Variants in HK3 observed in about 807,000 individuals in gnomAD.
HK3 encodes hexokinase 3, also known as hexokinase-3.
A neutral mutation model predicts 91.0 loss-of-function variants in HK3; 93 were observed. The observed-to-expected ratio is 1.02, with a 90% CI of 0.86 to 1.21. HK3 has a LOEUF of 1.21. HK3 is among the 50% of genes most tolerant of loss of function. The probability of loss-of-function intolerance (pLI) is 0.00; values close to 1 mark genes in which losing one functional copy is unlikely to be tolerated. For missense variants in HK3, 1,235 were observed against 1,247.4 expected (o/e 0.99, Z 0.15); for synonymous variants, 519 against 516.9 (o/e 1.00, Z -0.06).
chr5:176,895,878 G>A (rs1758898854), intron 2 of HK3, among the ~76,000 whole-genome samples, 186 bp downstream of exon 2: 4 of 152,216 alleles, frequency 2.6e-5, no homozygotes, highest in African/African-American at 9.7e-5. Context: ...TTCATCACCT[G>A]TAAGATGATC....
chr5:176,881,974 T>C lies in HK3; in HGVS notation c.2207A>G (p.Asp736Gly). The part of the protein sequence containing the change: ...MLSTRFDASV[D>G]QASINPGKQR... Reference sequence around the variant, plus strand: ...CTTGCCGGGGTTGATGGACGCCTGGTCCACACTTGCATCAAAGCGGGTGCT... The same window carrying C: ...CTTGCCGGGGTTGATGGACGCCTGGCCCACACTTGCATCAAAGCGGGTGCT... The change falls in exon 16 of 19, where the codon GAC becomes GGC. Residue 736 changes from aspartate (D) to glycine (G), a missense_variant. By Grantham distance (94) the Asp-to-Gly change is moderately conservative. This residue lies in a region of HK3 where 513 missense variants were observed against 477.4 expected (regional missense o/e 1.07). Transcript: ENST00000292432. 6.2e-7 allele frequency: 1 copy of C among 1,613,560 alleles called. No homozygotes were observed.
intron 1 of HK3, among the ~76,000 whole-genome samples, chr5:176,898,715 G>A (rs1313221767): frequency 6.6e-6 from 1 of 152,222 alleles, no homozygotes; most frequent in Admixed American, 6.5e-5. Context: ...AGTATCCCCA[G>A]AGCCCAGGGT....
At chr5:176,885,277 G>T (rs1387210690) in intron 13 of HK3, among the ~76,000 whole-genome samples, 1 of 152,214 alleles carries the variant, frequency 6.6e-6, no homozygotes, top group Non-Finnish European at 1.5e-5. Context: ...AGAGGCAAGT[G>T]CCCAAAGAGC....
intron 15 of HK3, 29 bp downstream of exon 15, chr5:176,883,741 G>C: frequency 3.8e-6 from 6 of 1,559,278 alleles, no homozygotes; most frequent in Non-Finnish European, 5.3e-6. Flanking sequence ...CCAAGCAGTA[G>C]GGGCATGAAA....
At position 176,887,442 on chromosome 5, in the gene HK3, G is replaced by C. The variant is rs556509337; in HGVS notation, c.1600+9C>G. On this transcript the variant is annotated intron_variant, in intron 11 of 18. Coordinates refer to ENST00000292432, the MANE Select transcript of HK3 (RefSeq NM_002115.3). This position sits in a 1 kb window ranked among gnomAD's most constrained non-coding sequence, Gnocchi z 4.9. ...ATGTTTCGGTCCCACACTCAGGCCA[G>C]GTCCTTACCGCTGCCGTCAGGGGTG... 395 of 1,612,328 alleles carry C rather than the reference G, an allele frequency of 2.4e-4. 5 individuals are homozygous for C. The South Asian group carries it at 4.1e-3, about 17-fold the overall frequency.
At position 176,888,855 on chromosome 5, in the gene HK3, C is replaced by T; in HGVS notation, c.924G>A (p.Lys308=). The part of the protein sequence containing the change: ...SLNPGAQRFE[K]MIGGLYLGEL... ...CACCCAGGTACAGGCCTCCGATCAT[C>T]TTCTCAAACCTGCAGGGGGGAAGGG... is the stretch of plus-strand genomic sequence containing the variant. Residue 308 remains lysine, a synonymous_variant, in exon 9 of 19, where the codon AAG becomes AAA. Transcript: ENST00000292432. The T allele has an allele frequency of 6.2e-7, 1 of 1,613,666 alleles. No homozygotes were observed. The highest frequency in any genetic ancestry group is 8.5e-7 in the Non-Finnish European group (1 of 1,179,738).
At position 176,881,370 on chromosome 5, in the gene HK3, C is replaced by A. The variant is rs1440071512; in HGVS notation, c.2559G>T (p.Glu853Asp). ...GVAAVVEKIRENRGLEELAVS... is the reference protein window; with the variant it reads ...GVAAVVEKIRDNRGLEELAVS... ...CTGCCAGCTCTTCCAGGCCCCGGTTCTCCCGGATCTTCTCCACCACGGCAG... is the reference window on the plus strand; with the variant it reads ...CTGCCAGCTCTTCCAGGCCCCGGTTATCCCGGATCTTCTCCACCACGGCAG... The change falls in exon 18 of 19, where the codon GAG (glutamate) becomes GAT (aspartate). Residue 853 changes from glutamate (E) to aspartate (D), a missense_variant. By Grantham distance (45) the Glu-to-Asp change is conservative. Around this residue, in one of 3 missense-constraint regions of HK3, gnomAD observed 513 missense variants for 477.4 expected, o/e 1.07. Coordinates refer to ENST00000292432, the MANE Select transcript of HK3 (RefSeq NM_002115.3). The A allele has an allele frequency of 6.2e-7, 1 of 1,614,018 alleles. No individual in the cohort carries two copies. The highest frequency in any genetic ancestry group is 8.5e-7 in the Non-Finnish European group (1 of 1,180,028).
chr5:176,896,327 T>C (rs905897094), intron 1 of HK3, 142 bp from the exon 2 acceptor site: 9 of 484,268 alleles, frequency 1.9e-5, no homozygotes, highest in African/African-American at 1.6e-4. Context: ...CCATCAAAGA[T>C]CCTGTAGCAG....
chr5:176,887,379 G>A lies in HK3; in HGVS notation c.1601-42C>T. Reference sequence around the variant, plus strand: ...CCTCAGTGCCGGGATAGGGCTTGTGGCTCCAGCCCCAGCACACACTGGGAC... The same window carrying A: ...CCTCAGTGCCGGGATAGGGCTTGTGACTCCAGCCCCAGCACACACTGGGAC... On this transcript the variant is annotated intron_variant, in intron 11 of 18. Transcript: ENST00000292432. This position sits in a 1 kb window ranked among gnomAD's most constrained non-coding sequence, Gnocchi z 4.9. The A allele has an allele frequency of 6.2e-7, 1 of 1,613,452 alleles. No individual in the cohort carries two copies.
Position 176,886,985 on chromosome 5 carries a change from T to G in HK3, c.1857+17A>C. 3 of 1,613,626 alleles carry G rather than the reference T, an allele frequency of 1.9e-6. No homozygotes were observed. Among genetic ancestry groups the G allele is most frequent in the African/African-American group, 1.3e-5 (1 of 75,006 alleles). On this transcript the variant is annotated intron_variant, in intron 13 of 18. Coordinates refer to ENST00000292432, the MANE Select transcript of HK3 (RefSeq NM_002115.3). The stretch of plus-strand genomic sequence containing the variant: ...GCAGGAGGCCCTTGGGAATCACTTC[T>G]CTTGGCCCTCCCTCACCTGGTCTAG...
chr5:176,881,660 G>T, intron 17 of HK3, 32 bp downstream of exon 17: 3 of 1,611,456 alleles, frequency 1.9e-6, no homozygotes, highest in Non-Finnish European at 2.5e-6. Flanking sequence ...AAGACCCCCT[G>T]AAGTGGGGGA....
At chr5:176,893,889 A>G (rs1758841542) in intron 2 of HK3, among the ~76,000 whole-genome samples, 1 of 152,196 alleles carries the variant, frequency 6.6e-6, no homozygotes. Flanking sequence ...CAGACAGAAG[A>G]GCAAGGAGAA....
chr5:176,883,884 ATGCTGCTAGT>A lies in HK3; in HGVS notation c.1954-25_1954-16del, dbSNP rs1758509984. On this transcript the variant is annotated splice_polypyrimidine_tract_variant and intron_variant, in intron 14 of 18. Transcript: ENST00000292432. ...AGCTCCACTGCCTGCACACAAAAGGATGCTGCTAGTTGCTGGGCAACGCGGTCGTCACAGC... is the reference window on the plus strand; with the variant it reads ...AGCTCCACTGCCTGCACACAAAAGGATGCTGGGCAACGCGGTCGTCACAGC... 3.1e-6 allele frequency: 5 copies of A among 1,613,386 alleles called. No individual in the cohort carries two copies. The highest frequency in any genetic ancestry group is 1.7e-5 in the Admixed American group (1 of 60,022).
chr5:176,883,895 T>C (rs772882998), intron 14 of HK3, 26 bp from the exon 15 acceptor site: 20 of 1,611,680 alleles, frequency 1.2e-5, no homozygotes, highest in Non-Finnish European at 1.7e-5. Context: ...TGCTGCTAGT[T>C]GCTGGGCAAC....
intron 1 of HK3, 47 bp from the exon 2 acceptor site, chr5:176,896,232 C>T (rs1326302465): frequency 5.5e-6 from 6 of 1,088,766 alleles, no homozygotes; most frequent in Non-Finnish European, 7.9e-6. Flanking sequence ...ACTCTATAGG[C>T]CCTAGGAGTC....
In HK3 at chr5:176,889,494, G is replaced by T; in HGVS notation, c.801C>A (p.Arg267=). 1 of 1,614,160 alleles carries T rather than the reference G, an allele frequency of 6.2e-7. No individual in the cohort carries two copies. The highest frequency in any genetic ancestry group is 8.5e-7 in the Non-Finnish European group (1 of 1,180,032). Residue 267 remains arginine, a synonymous_variant, in exon 8 of 19, where the codon CGC becomes CGA. Coordinates refer to ENST00000292432, the MANE Select transcript of HK3 (RefSeq NM_002115.3). ...HVAVLDEDRG[R]VCVSVEWGSF... The stretch of plus-strand genomic sequence containing the variant: ...AGCCCCACTCGACGCTGACGCAGAC[G>T]CGGCCCCGGTCTTCGTCCAGCACTG...
intron 2 of HK3, 114 bp from the exon 3 acceptor site, chr5:176,891,664 C>T (rs1215712665): frequency 3.9e-6 from 4 of 1,037,978 alleles, no homozygotes; most frequent in Non-Finnish European, 5.5e-6. Flanking sequence ...GCTCTTCATA[C>T]ACCCTGACTC....
chr5:176,887,752 G>T lies in HK3; in HGVS notation c.1305-6C>A, dbSNP rs749081181. On this transcript the variant is annotated splice_polypyrimidine_tract_variant and splice_region_variant and intron_variant, in intron 10 of 18. Transcript: ENST00000292432. This position sits in a 1 kb window ranked among gnomAD's most constrained non-coding sequence, Gnocchi z 4.9. ...CCTGCAGGACGCTGCAGAACCTACA[G>T]ATACATACAGGTGCACCCGGCTTGG... 1 of 1,598,868 alleles carries T rather than the reference G, an allele frequency of 6.3e-7. No homozygotes were observed. Among genetic ancestry groups the T allele is most frequent in the Non-Finnish European group, 8.6e-7 (1 of 1,169,344 alleles).
chr5:176,892,021 C>G (rs1164505962), intron 2 of HK3, among the ~76,000 whole-genome samples: 1 of 152,218 alleles, frequency 6.6e-6, no homozygotes, highest in Admixed American at 6.5e-5. Flanking sequence ...AGCACGAGAG[C>G]ATTTGGAGAC....
Sources: gnomAD v4.1 joint callset for allele counts (sites outside exome capture counted in the v4.1 genomes callset) on GRCh38, gnomAD v4.1.1 for gene constraint, gnomAD v4.1.1 regional missense constraint, Gnocchi (gnomAD v3.1) non-coding constraint, MANE v1.5 for transcripts, NCBI Gene and HGNC (gene_info 2026-07-23, HGNC 2026-07-21) for gene names.